Variants in LRP8 observed in about 807,000 individuals in gnomAD.
The protein encoded by LRP8 is low-density lipoprotein receptor-related protein 8.
LRP8 carries 46 observed loss-of-function variants against 111.6 expected under a neutral mutation model. That is an observed-to-expected ratio of 0.41 (90% confidence interval 0.33 to 0.53). The LOEUF is 0.53. Ranked by LOEUF, LRP8 falls within the 20% of genes least tolerant of loss-of-function variation. The probability of loss-of-function intolerance (pLI) is 0.20; values close to 1 mark genes in which losing one functional copy is unlikely to be tolerated. For missense variants in LRP8, 959 were observed against 1,297.4 expected (o/e 0.74, Z 4.01); for synonymous variants, 464 against 511.2 (o/e 0.91, Z 1.24).
At chr1:53,261,357 G>T (rs1646332881) in intron 12 of LRP8, among the ~76,000 whole-genome samples, 1 of 152,246 alleles carries the variant, frequency 6.6e-6, no homozygotes, top group African/African-American at 2.4e-5. Context: ...GGACTTAGAG[G>T]TGGAGCTTTG....
In LRP8 at chr1:53,264,314, C is replaced by T; in HGVS notation, c.1510G>A (p.Val504Met). 6.2e-7 allele frequency: 1 copy of T among 1,614,182 alleles called. No individual in the cohort carries two copies. The highest frequency in any genetic ancestry group is 8.5e-7 in the Non-Finnish European group (1 of 1,180,006). Residue 504 changes from valine (V) to methionine (M), a missense_variant, in exon 10 of 19, where the codon GTG becomes ATG. This residue lies in a region of LRP8 where 819 missense variants were observed against 1,097.6 expected (regional missense o/e 0.75). Transcript: ENST00000306052. Reference protein sequence around the residue: ...EQLHSPEGLAVDWVHKHIYWT... With the variant: ...EQLHSPEGLAMDWVHKHIYWT... ...TAGATGTGCTTGTGGACCCAGTCCA[C>T]TGCCAGGCCCTCTGGAGAGTGCAAC...
Position 53,275,145 on chromosome 1 carries a change from G to C in LRP8, c.1006+486C>G, listed in dbSNP as rs1316173133. Reference sequence around the variant, plus strand: ...GGCTGGACTGATCATCTCCTGGGGGGACTTTGCCCCATGGACCCCGGATAG... The same window carrying C: ...GGCTGGACTGATCATCTCCTGGGGGCACTTTGCCCCATGGACCCCGGATAG... On this transcript the variant is annotated intron_variant, in intron 6 of 18. Coordinates refer to ENST00000306052, the MANE Select transcript of LRP8 (RefSeq NM_004631.5). The surrounding 1 kb of genome is among the most constrained non-coding windows in gnomAD (Gnocchi z 4.4). Among the ~76,000 whole-genome samples, 1 of 152,188 alleles carries C rather than the reference G, an allele frequency of 6.6e-6. No homozygotes were observed. Among genetic ancestry groups the C allele is most frequent in the African/African-American group, 2.4e-5 (1 of 41,442 alleles).
intron 2 of LRP8, among the ~76,000 whole-genome samples, chr1:53,320,434 AGCCAATTCGACCATCAGG>A (rs1380547536): frequency 6.6e-6 from 1 of 152,150 alleles, no homozygotes; most frequent in Admixed American, 6.5e-5. Context: ...CTGACGATGG[AGCCAATTCGACCATCAGG>A]GCCTTAGTTT....
At chr1:53,272,829 G>A (rs1250900592) in intron 6 of LRP8, among the ~76,000 whole-genome samples, 2 of 152,124 alleles carry the variant, frequency 1.3e-5, no homozygotes, top group African/African-American at 2.4e-5. Flanking sequence ...CCTGAGCACC[G>A]TTCATTCATC....
Position 53,328,010 on chromosome 1 carries a change from G to T in LRP8, c.-98C>A. 4.0e-6 allele frequency: 3 copies of T among 759,486 alleles called. No individual in the cohort carries two copies. Among genetic ancestry groups the T allele is most frequent in the South Asian group, 5.6e-5 (1 of 17,902 alleles). 47.0% of individuals were successfully genotyped at this position (759,486 alleles called of 1,614,324 possible). A position where few individuals can be genotyped will look rare whatever the true frequency, so the allele number is the denominator to read the frequency against. On this transcript the variant is annotated 5_prime_UTR_variant, in exon 1 of 19. Transcript: ENST00000306052. ...TCCTTGCCGCGGCGCCGGGGTTGCC[G>T]CTGCCCCCGCCGCCGCCGCCGCCGC... is the stretch of plus-strand genomic sequence containing the variant.
intron 2 of LRP8, among the ~76,000 whole-genome samples, chr1:53,306,511 C>T (rs1215060573): frequency 3.3e-5 from 5 of 152,210 alleles, no homozygotes; most frequent in South Asian, 4.1e-4. Flanking sequence ...CTCTACCCCC[C>T]GAGCTGCTGC....
At chr1:53,295,379 T>C (rs753650140) in intron 2 of LRP8, among the ~76,000 whole-genome samples, 5 of 152,094 alleles carry the variant, frequency 3.3e-5, no homozygotes, top group African/African-American at 1.2e-4. Flanking sequence ...CAGGGAACAA[T>C]TGACCCTGGT....
chr1:53,296,438 CTCT>C (rs1649730353), intron 2 of LRP8, among the ~76,000 whole-genome samples: 1 of 152,218 alleles, frequency 6.6e-6, no homozygotes, highest in Non-Finnish European at 1.5e-5. Flanking sequence ...GGTGGCCTGG[CTCT>C]GGCCCTAAGG....
intron 3 of LRP8, among the ~76,000 whole-genome samples, chr1:53,284,287 T>TTACTTACTACATACCC (rs1557801752): frequency 0.21 from 23,723 of 111,762 alleles, 5,837 homozygotes; most frequent in East Asian, 0.37. Flanking sequence ...ACTACATACC[T>TTACTTACTACATACCC]GGGCCACTTA....
chr1:53,325,040 G>A (rs1475015669), intron 2 of LRP8, among the ~76,000 whole-genome samples: 1 of 152,232 alleles, frequency 6.6e-6, no homozygotes, highest in Non-Finnish European at 1.5e-5. Flanking sequence ...GAGCCAGGGA[G>A]ATAAGGCATA....
At chr1:53,255,333 A>G in intron 15 of LRP8, 148 bp from the exon 16 acceptor site, 1 of 699,018 alleles carries the variant, frequency 1.4e-6, no homozygotes, top group East Asian at 2.7e-5. Flanking sequence ...CAGTCTTTCC[A>G]GATCCTATCA....
intron 4 of LRP8, 89 bp from the exon 5 acceptor site, chr1:53,277,167 T>C: frequency 7.4e-7 from 1 of 1,345,966 alleles, no homozygotes; most frequent in Non-Finnish European, 9.5e-7. Flanking sequence ...GCTCCGACCC[T>C]CACCCGGGGG....
intron 2 of LRP8, among the ~76,000 whole-genome samples, chr1:53,295,324 G>A (rs1355848980): frequency 1.3e-5 from 2 of 152,346 alleles, no homozygotes; most frequent in African/African-American, 4.8e-5. Context: ...ACCATTAGGG[G>A]CTGGGGACAA....
In LRP8 at chr1:53,279,287, C is replaced by T. The variant is rs763697575; in HGVS notation, c.496+1300G>A. 7.2e-5 allele frequency among the ~76,000 whole-genome samples: 11 copies of T among 152,158 alleles called. No homozygotes were observed. The highest frequency in any genetic ancestry group is 1.5e-4 in the Non-Finnish European group (10 of 68,020). ...GGGTGGAAGCTATAGCATAGAAGCC[C>T]AGTAAGACCTTCTGACACCTCTCTC... On this transcript the variant is annotated intron_variant, in intron 4 of 18. Coordinates refer to ENST00000306052, the MANE Select transcript of LRP8 (RefSeq NM_004631.5). This position sits in a 1 kb window ranked among gnomAD's most constrained non-coding sequence, Gnocchi z 4.4.
chr1:53,325,396 T>TA (rs1230962578), intron 2 of LRP8, among the ~76,000 whole-genome samples: 2 of 152,236 alleles, frequency 1.3e-5, no homozygotes, highest in East Asian at 3.8e-4. Context: ...GATAAGTACT[T>TA]ACTGCAGTGC....
intron 2 of LRP8, among the ~76,000 whole-genome samples, chr1:53,323,418 GA>G (rs1237601454): frequency 6.6e-6 from 1 of 152,246 alleles, no homozygotes; most frequent in Non-Finnish European, 1.5e-5. Flanking sequence ...GTGACTCTGG[GA>G]GTAAAGGCCA....
At chr1:53,261,944 A>C (rs1176225750) in intron 12 of LRP8, 124 bp downstream of exon 12, 16 of 1,197,964 alleles carry the variant, frequency 1.3e-5, no homozygotes, top group Non-Finnish European at 1.9e-5. Flanking sequence ...GTTTACAAAC[A>C]AATCAGTTGG....
At chr1:53,298,098 C>T (rs565619739) in intron 2 of LRP8, among the ~76,000 whole-genome samples, 1 of 152,162 alleles carries the variant, frequency 6.6e-6, no homozygotes, top group South Asian at 2.1e-4. Flanking sequence ...CCAAGTCCTT[C>T]CAAAGAGGTC....
rs1049800693 is a variant in LRP8, at chr1:53,244,722, T to A, written c.*2296A>T. 1.3e-5 allele frequency: 2 copies of A among 152,264 alleles called. No homozygotes were observed. Among genetic ancestry groups the A allele is most frequent in the African/African-American group, 2.4e-5 (1 of 41,476 alleles). 9.4% of individuals were successfully genotyped at this position (152,264 alleles called of 1,614,324 possible). ...GAATGCCAGGATCTTACTGAAAGTT[T>A]AGAAACTATGCCTTAGCCACTGTTA... On this transcript the variant is annotated 3_prime_UTR_variant, in exon 19 of 19. Transcript: ENST00000306052.
Sources: gnomAD v4.1 joint callset for allele counts (sites outside exome capture counted in the v4.1 genomes callset) on GRCh38, gnomAD v4.1.1 for gene constraint, gnomAD v4.1.1 regional missense constraint, Gnocchi (gnomAD v3.1) non-coding constraint, MANE v1.5 for transcripts, NCBI Gene and HGNC (gene_info 2026-07-23, HGNC 2026-07-21) for gene names.